CPSF3: variants seen among roughly 807,000 people sequenced by gnomAD.
The protein encoded by CPSF3 is cleavage and polyadenylation specific factor 3.
CPSF3 carries 57 observed loss-of-function variants against 84.1 expected under a neutral mutation model. The observed-to-expected ratio is 0.68, with a 90% confidence interval of 0.55 to 0.85. The LOEUF (loss-of-function observed/expected upper bound fraction) is 0.85. Among genes scored for constraint, CPSF3 ranks in the 40% least tolerant of loss-of-function variants. CPSF3 has a pLI of 0.00. For missense variants in CPSF3, 522 were observed against 838.8 expected (o/e 0.62, Z 4.66); for synonymous variants, 275 against 278.1 (o/e 0.99, Z 0.11).
At chr2:9,457,166 T>C in intron 14 of CPSF3, 139 bp downstream of exon 14, 1 of 464,278 alleles carries the variant, frequency 2.2e-6, no homozygotes, top group Non-Finnish European at 3.8e-6. Context: ...TGTGTGTGTG[T>C]GTGTGTGTGT....
chr2:9,455,797 C>CT (rs1469147498), intron 13 of CPSF3, 40 bp downstream of exon 13: 2 of 1,376,030 alleles, frequency 1.5e-6, no homozygotes, highest in African/African-American at 2.9e-5. Flanking sequence ...TGTTTTCTGT[C>CT]TTTTAGTAAG....
chr2:9,430,922 T>C (rs1680563105), intron 4 of CPSF3, 42 bp downstream of exon 4: 1 of 1,530,514 alleles, frequency 6.5e-7, no homozygotes, highest in African/African-American at 1.4e-5. Context: ...TGGCTCTATA[T>C]GGCATGTATG....
At chr2:9,438,938 T>C (rs926372237) in intron 7 of CPSF3, among the ~76,000 whole-genome samples, 9 of 152,218 alleles carry the variant, frequency 5.9e-5, no homozygotes, top group Non-Finnish European at 1.0e-4. Flanking sequence ...TAGAGCCATA[T>C]GACCTTGGGC....
rs543727439 is a variant in CPSF3, at chr2:9,459,638, CTTTTTTTTTTTTT to C, written c.1786+36_1786+48del. 1.4e-4 allele frequency: 45 copies of C among 310,492 alleles called. No homozygotes were observed. Among genetic ancestry groups the C allele is most frequent in the African/African-American group, 2.6e-4 (6 of 23,172 alleles). 19.2% of individuals were successfully genotyped at this position (310,492 alleles called of 1,614,324 possible). A position where few individuals can be genotyped will look rare whatever the true frequency, so the allele number is the denominator to read the frequency against. ...GAAAAGGTAAGAGTTCATTTTTATC[CTTTTTTTTTTTTT>C]TTTTTTTTTTTTTTTGGAGACGGAT... On this transcript the variant is annotated intron_variant, in intron 15 of 17. Transcript: ENST00000238112.
chr2:9,426,750 G>A (rs1454148101), intron 1 of CPSF3, among the ~76,000 whole-genome samples: 2 of 152,048 alleles, frequency 1.3e-5, no homozygotes, highest in Middle Eastern at 3.4e-3. Context: ...GAGTGACAAC[G>A]GCTGCCAAGA....
intron 8 of CPSF3, 48 bp downstream of exon 8, chr2:9,440,714 C>T: frequency 6.3e-7 from 1 of 1,590,166 alleles, no homozygotes; most frequent in Non-Finnish European, 8.6e-7. Context: ...CCAAATCAGT[C>T]ATTAGTAGTA....
intron 1 of CPSF3, among the ~76,000 whole-genome samples, chr2:9,427,942 T>A (rs144329976): frequency 9.0e-4 from 136 of 151,124 alleles, no homozygotes; most frequent in African/African-American, 3.3e-3. Context: ...TAACAGAAAG[T>A]AGAAGAAAAA....
chr2:9,464,440 G>A (rs1681834999), intron 15 of CPSF3, among the ~76,000 whole-genome samples: 1 of 151,868 alleles, frequency 6.6e-6, no homozygotes, highest in African/African-American at 2.4e-5. Flanking sequence ...TATATTTTGT[G>A]AGATTGTTTT....
At chr2:9,450,598 G>T (rs1681293515) in intron 11 of CPSF3, among the ~76,000 whole-genome samples, 1 of 152,040 alleles carries the variant, frequency 6.6e-6, no homozygotes, top group Non-Finnish European at 1.5e-5. Context: ...GACCAGCCTG[G>T]CCAACATGGA....
intron 15 of CPSF3, among the ~76,000 whole-genome samples, chr2:9,460,520 C>T (rs928778785): frequency 6.6e-6 from 1 of 152,138 alleles, no homozygotes; most frequent in Non-Finnish European, 1.5e-5. Flanking sequence ...AGATATGCTA[C>T]TATCTTCATG....
At chr2:9,437,656 C>T (rs915880887) in intron 7 of CPSF3, among the ~76,000 whole-genome samples, 3 of 152,122 alleles carry the variant, frequency 2.0e-5, no homozygotes, top group African/African-American at 4.8e-5. Context: ...ACCTCACATT[C>T]GGTGATTCTA....
chr2:9,425,826 T>G (rs146151322), intron 1 of CPSF3, among the ~76,000 whole-genome samples: 1 of 152,212 alleles, frequency 6.6e-6, no homozygotes, highest in East Asian at 1.9e-4. Flanking sequence ...TAACATAGAG[T>G]TATACAACCA....
At position 9,462,003 on chromosome 2, in the gene CPSF3, G is replaced by A. The variant is rs370019924; in HGVS notation, c.1786+2385G>A. Among the ~76,000 whole-genome samples the A allele has an allele frequency of 5.3e-5, 8 of 152,128 alleles. No individual in the cohort carries two copies. In the East Asian group the frequency reaches 9.7e-4, roughly 18 times the overall value. On this transcript the variant is annotated intron_variant, in intron 15 of 17. Transcript: ENST00000238112. Reference sequence around the variant, plus strand: ...TCTCAAACTCCTGACCTCGTGATCCGCCTGTGTTGACCTCCCAAGGTGCTG... The same window carrying A: ...TCTCAAACTCCTGACCTCGTGATCCACCTGTGTTGACCTCCCAAGGTGCTG...
chr2:9,440,386 C>A (rs894035112), intron 7 of CPSF3, 105 bp from the exon 8 acceptor site: 2 of 906,150 alleles, frequency 2.2e-6, no homozygotes, highest in Non-Finnish European at 3.3e-6. Flanking sequence ...TGCTTTATTT[C>A]TTGGTTGTAT....
chr2:9,431,251 C>T (rs1046533147), intron 4 of CPSF3, among the ~76,000 whole-genome samples: 4 of 152,116 alleles, frequency 2.6e-5, no homozygotes, highest in East Asian at 3.9e-4. Flanking sequence ...GAGATAGGGT[C>T]TTATGTTGCC....
Position 9,433,865 on chromosome 2 carries a change from T to C in CPSF3, c.520-6T>C. ...TCCTAACTTTCTAGTTTTATCTTTT[T>C]CACAGCTTTTGTACACTGGTGATTT... On this transcript the variant is annotated splice_region_variant and splice_polypyrimidine_tract_variant and intron_variant, in intron 5 of 17. Coordinates refer to ENST00000238112, the MANE Select transcript of CPSF3 (RefSeq NM_016207.4). The C allele has an allele frequency of 6.3e-7, 1 of 1,594,510 alleles. No homozygotes were observed. The highest frequency in any genetic ancestry group is 1.1e-5 in the South Asian group (1 of 88,010).
chr2:9,424,067 GAAA>G (rs113168259), intron 1 of CPSF3: 6 of 1,166,430 alleles, frequency 5.1e-6, no homozygotes, highest in Non-Finnish European at 6.4e-6. Flanking sequence ...GTTGGAGTCG[GAAA>G]AAAAAAAGTT....
chr2:9,442,164 A>T (rs1680976065), intron 9 of CPSF3, among the ~76,000 whole-genome samples, 188 bp downstream of exon 9: 2 of 152,252 alleles, frequency 1.3e-5, no homozygotes, highest in Non-Finnish European at 2.9e-5. Flanking sequence ...GAATGGCATA[A>T]TGAGGTCCCA....
chr2:9,454,394 C>T (rs570913937), intron 12 of CPSF3, among the ~76,000 whole-genome samples: 2 of 152,164 alleles, frequency 1.3e-5, no homozygotes, highest in South Asian at 2.1e-4. Context: ...GGCAACAGTG[C>T]GAGACTCTGT....
Sources: gnomAD v4.1 joint callset for allele counts (sites outside exome capture counted in the v4.1 genomes callset) on GRCh38, gnomAD v4.1.1 for gene constraint, MANE v1.5 for transcripts, NCBI Gene and HGNC (gene_info 2026-07-23, HGNC 2026-07-21) for gene names.